The following SKOR2 variants were observed in gnomAD, a reference collection of about 807,000 sequenced individuals.
SKOR2 encodes the protein LBX1 corepressor 1-like protein.
In SKOR2, 47 loss-of-function variants were observed where a neutral mutation model predicts 69.1. That is an observed-to-expected ratio of 0.68 (90% CI 0.54 to 0.87). The LOEUF (loss-of-function observed/expected upper bound fraction) is 0.87. Among genes scored for constraint, SKOR2 ranks in the 40% least tolerant of loss-of-function variants. The pLI, the probability that SKOR2 is intolerant of heterozygous loss-of-function variation, is 0.00. For synonymous variants in SKOR2, 717 were observed against 672.6 expected (o/e 1.07, Z -1.02); for missense variants, 1,404 against 1,472.2 (o/e 0.95, Z 0.76).
Position 47,248,275 on chromosome 18 carries a change from G to A in SKOR2, c.909C>T (p.His303=), listed in dbSNP as rs966398549. The A allele has an allele frequency of 8.2e-6, 10 of 1,217,026 alleles. No individual in the cohort carries two copies. The African/African-American group carries it at 1.4e-4, about 17-fold the overall frequency. 75.4% of individuals were successfully genotyped at this position (1,217,026 alleles called of 1,614,324 possible). A position where few individuals can be genotyped will look rare whatever the true frequency, so the allele number is the denominator to read the frequency against. ...CGAAGCGCGGCCGCTTGTGATGGGC[G>A]TGCGGGGCACCAGCCAGCTCTGCCA... ...PPLAELAGAP[H]AHHKRPRFDD... The change falls in exon 2 of 9, where the codon CAC becomes CAT. Residue 303 remains histidine, a synonymous_variant. Transcript: ENST00000425639. This position sits in a 1 kb window ranked among gnomAD's most constrained non-coding sequence, Gnocchi z 6.4.
chr18:47,236,148 C>A (rs1326875312), intron 4 of SKOR2, among the ~76,000 whole-genome samples: 1 of 152,184 alleles, frequency 6.6e-6, no homozygotes, highest in Non-Finnish European at 1.5e-5. Flanking sequence ...TCATGTCTGG[C>A]TAGTTTTTTT....
intron 4 of SKOR2, among the ~76,000 whole-genome samples, chr18:47,231,365 C>A (rs934144588): frequency 6.6e-6 from 1 of 152,012 alleles, no homozygotes; most frequent in African/African-American, 2.4e-5. Flanking sequence ...GATTGGAGTC[C>A]CACTGCTCCT....
intron 8 of SKOR2, among the ~76,000 whole-genome samples, chr18:47,209,825 G>GA (rs2064122584): frequency 6.6e-6 from 1 of 152,074 alleles, no homozygotes; most frequent in South Asian, 2.1e-4. Context: ...TCTAAGGCTG[G>GA]GCATGGCTGT....
intron 4 of SKOR2, among the ~76,000 whole-genome samples, chr18:47,238,647 G>GT (rs1188647627): frequency 1.3e-5 from 2 of 152,128 alleles, no homozygotes; most frequent in Non-Finnish European, 2.9e-5. Flanking sequence ...AATTATTTTA[G>GT]TTTAAGACTG....
chr18:47,211,614 T>C (rs751556246), intron 8 of SKOR2, among the ~76,000 whole-genome samples: 6 of 152,206 alleles, frequency 3.9e-5, no homozygotes, highest in Non-Finnish European at 8.8e-5. Context: ...GATTAGTTAC[T>C]ATTCCTAGAG....
At position 47,248,259 on chromosome 18, in the gene SKOR2, G is replaced by A. The variant is rs1008002303; in HGVS notation, c.925C>T (p.Pro309Ser). The change falls in exon 2 of 9, where the codon CCG becomes TCG. Residue 309 changes from proline (P) to serine (S), a missense_variant. This residue lies in a region of SKOR2 where 1,266 missense variants were observed against 1,309.9 expected (regional missense o/e 0.97). Coordinates refer to ENST00000425639, the MANE Select transcript of SKOR2 (RefSeq NM_001278063.4). The surrounding 1 kb of genome is among the most constrained non-coding windows in gnomAD (Gnocchi z 6.4). ...GAGTCGTCGTCGTCGTCGAAGCGCG[G>A]CCGCTTGTGATGGGCGTGCGGGGCA... is the stretch of plus-strand genomic sequence containing the variant. ...AGAPHAHHKR[P>S]RFDDDDDSLQ... 2.5e-6 allele frequency: 3 copies of A among 1,221,278 alleles called. No homozygotes were observed. The highest frequency in any genetic ancestry group is 4.4e-5 in the Admixed American group (1 of 22,834). The allele number at this position is 1,221,278 out of a possible 1,614,324, so 75.7% of individuals were successfully genotyped here.
chr18:47,211,147 G>A (rs1294231941), intron 8 of SKOR2, among the ~76,000 whole-genome samples: 1 of 152,182 alleles, frequency 6.6e-6, no homozygotes, highest in Non-Finnish European at 1.5e-5. Context: ...AAGGAACCAT[G>A]AGCCTGCACA....
chr18:47,241,877 T>C (rs2064250399), intron 4 of SKOR2, among the ~76,000 whole-genome samples: 1 of 152,156 alleles, frequency 6.6e-6, no homozygotes, highest in African/African-American at 2.4e-5. Flanking sequence ...AACAAGTTTC[T>C]CTGGGAATCT....
In SKOR2 at chr18:47,247,473, C is replaced by T; in HGVS notation, c.1711G>A (p.Ala571Thr). ...GAGTCCGCGGGCGGCGTGGAGCCCG[C>T]GCTGCAGTCCCCGCCGCTGCCGCCC... ...PPGGSGGDCS[A>T]GSTPPADSVA... Residue 571 changes from alanine (A) to threonine (T), a missense_variant, in exon 2 of 9, where the codon GCG becomes ACG. This residue lies in a region of SKOR2 where 1,266 missense variants were observed against 1,309.9 expected (regional missense o/e 0.97). Transcript: ENST00000425639. The surrounding 1 kb of genome is among the most constrained non-coding windows in gnomAD (Gnocchi z 6.6). 1 of 1,216,716 alleles carries T rather than the reference C, an allele frequency of 8.2e-7. No individual in the cohort carries two copies. The highest frequency in any genetic ancestry group is 1.0e-6 in the Non-Finnish European group (1 of 979,320). 75.4% of individuals were successfully genotyped at this position (1,216,716 alleles called of 1,614,324 possible). A position where few individuals can be genotyped will look rare whatever the true frequency, so the allele number is the denominator to read the frequency against.
chr18:47,214,242 G>T (rs924429920), intron 7 of SKOR2, among the ~76,000 whole-genome samples: 2 of 152,018 alleles, frequency 1.3e-5, no homozygotes, highest in African/African-American at 4.8e-5. Context: ...AGTCAAAATG[G>T]CTTCCTCTTT....
At chr18:47,245,048 ATTTT>A in intron 3 of SKOR2, 66 bp from the exon 4 acceptor site, 2 of 1,131,552 alleles carry the variant, frequency 1.8e-6, no homozygotes, top group Non-Finnish European at 2.4e-6. Flanking sequence ...CAAAGATCCA[ATTTT>A]TTTTTTTTTG....
chr18:47,215,490 G>A (rs1232377333), intron 7 of SKOR2, among the ~76,000 whole-genome samples: 1 of 152,080 alleles, frequency 6.6e-6, no homozygotes, highest in African/African-American at 2.4e-5. Flanking sequence ...CTGAAGAGCT[G>A]TGTCCTTGCC....
In SKOR2 at chr18:47,242,338, A is replaced by C. The variant is rs141913372; in HGVS notation, c.2752+2570T>G. On this transcript the variant is annotated intron_variant, in intron 4 of 8. Transcript: ENST00000425639. ...CTTAGTTTGTTCAAATATATTTATTAATAGATTGCTTGTGGGTATGGGTAT... is the reference window on the plus strand; with the variant it reads ...CTTAGTTTGTTCAAATATATTTATTCATAGATTGCTTGTGGGTATGGGTAT... 1.1e-3 allele frequency among the ~76,000 whole-genome samples: 165 copies of C among 152,246 alleles called. 2 individuals carry two copies. Among genetic ancestry groups the C allele is most frequent in the African/African-American group, 3.6e-3 (150 of 41,550 alleles).
At chr18:47,243,449 C>T (rs11082567) in intron 4 of SKOR2, among the ~76,000 whole-genome samples, 98,894 of 152,116 alleles carry the variant, frequency 0.65, 33,037 homozygotes, top group African/African-American at 0.82. Context: ...ACAAAAGCAA[C>T]TGACTATCTA....
In SKOR2 at chr18:47,251,553, C is replaced by CGGCCTGAATTGCGGCGG. The variant is rs1170892777; in HGVS notation, c.-244_-228dup. 1.3e-5 allele frequency: 2 copies of CGGCCTGAATTGCGGCGG among 152,288 alleles called. No homozygotes were observed. Among genetic ancestry groups the CGGCCTGAATTGCGGCGG allele is most frequent in the African/African-American group, 4.8e-5 (2 of 41,468 alleles). The allele number at this position is 152,288 out of a possible 1,614,324, so 9.4% of individuals were successfully genotyped here. A position where few individuals can be genotyped will look rare whatever the true frequency, so the allele number is the denominator to read the frequency against. On this transcript the variant is annotated 5_prime_UTR_variant, in exon 1 of 9. Coordinates refer to ENST00000425639, the MANE Select transcript of SKOR2 (RefSeq NM_001278063.4). ...TCAAACCCCGGCCTGGGGAGAATGA[C>CGGCCTGAATTGCGGCGG]GGCCTGAATTGCGGCGGGGCGTCCC...
chr18:47,213,744 G>A (rs372991336), intron 7 of SKOR2, among the ~76,000 whole-genome samples: 27 of 152,264 alleles, frequency 1.8e-4, no homozygotes, highest in East Asian at 1.5e-3. Context: ...TAAAAGTTCA[G>A]TGTCCTAATC....
intron 6 of SKOR2, among the ~76,000 whole-genome samples, chr18:47,226,026 A>G (rs1272268622): frequency 6.6e-6 from 1 of 152,142 alleles, no homozygotes; most frequent in Non-Finnish European, 1.5e-5. Context: ...AAAGGGCTGG[A>G]GTGGAGAAGG....
Position 47,247,809 on chromosome 18 carries a change from G to T in SKOR2, c.1375C>A (p.Arg459Ser). ...AAGGGCGGATAGAAGGCGTCCTTGC[G>T]GCCCGCGGGCCAGAAGAGGCCGGAC... ...GLSGLFWPAG[R>S]KDAFYPPFCM... Residue 459 changes from arginine (R) to serine (S), a missense_variant, in exon 2 of 9, where the codon CGC (arginine) becomes AGC (serine). Physicochemically the swap from Arg to Ser is moderately radical, Grantham distance 110 (BLOSUM62 -1). Transcript: ENST00000425639. This position sits in a 1 kb window ranked among gnomAD's most constrained non-coding sequence, Gnocchi z 6.6. The T allele has an allele frequency of 4.3e-6, 6 of 1,396,212 alleles. No homozygotes were observed. Among genetic ancestry groups the T allele is most frequent in the Non-Finnish European group, 5.5e-6 (6 of 1,082,660 alleles). The allele number at this position is 1,396,212 out of a possible 1,614,324, so 86.5% of individuals were successfully genotyped here. A position where few individuals can be genotyped will look rare whatever the true frequency, so the allele number is the denominator to read the frequency against.
At chr18:47,233,443 T>C (rs2144498850) in intron 4 of SKOR2, among the ~76,000 whole-genome samples, 1 of 152,326 alleles carries the variant, frequency 6.6e-6, no homozygotes, top group South Asian at 2.1e-4. Context: ...AAAAATAGTA[T>C]TTTGAGATGA....
Sources: gnomAD v4.1 joint callset for allele counts (sites outside exome capture counted in the v4.1 genomes callset) on GRCh38, gnomAD v4.1.1 for gene constraint, gnomAD v4.1.1 regional missense constraint, Gnocchi (gnomAD v3.1) non-coding constraint, MANE v1.5 for transcripts, NCBI Gene and HGNC (gene_info 2026-07-23, HGNC 2026-07-21) for gene names.